RCBTB1: variants seen among roughly 807,000 people sequenced by gnomAD.
RCBTB1 encodes RCC1 and BTB domain containing protein 1.
RCBTB1 carries 46 observed loss-of-function variants against 62.4 expected under a neutral mutation model. That is an observed-to-expected ratio of 0.74 (90% CI 0.58 to 0.94). RCBTB1 has a LOEUF of 0.94. RCBTB1 is among the 40% of genes least tolerant of loss of function. The pLI is 0.00. For missense variants in RCBTB1, 565 were observed against 654.9 expected (o/e 0.86, Z 1.50); for synonymous variants, 222 against 245.8 (o/e 0.90, Z 0.91).
At chr13:49,568,074 C>G (rs1963146081) in intron 2 of RCBTB1, among the ~76,000 whole-genome samples, 1 of 152,224 alleles carries the variant, frequency 6.6e-6, no homozygotes, top group Admixed American at 6.5e-5. Flanking sequence ...TCCCAGTGAT[C>G]TGTAATTCCT....
rs992536835 is a variant in RCBTB1 at position 49,532,442 on chromosome 13, C to T, written c.*1680G>A. On this transcript the variant is annotated 3_prime_UTR_variant, in exon 13 of 13. Transcript: ENST00000378302. ...GTTCACATTTTGCTCAGATCATAAG[C>T]CTATAGAACAGTGATTGTTACAAAC... The T allele has an allele frequency of 1.3e-5, 2 of 152,508 alleles. No homozygotes were observed. The highest frequency in any genetic ancestry group is 6.6e-5 in the Admixed American group (1 of 15,258). The allele number at this position is 152,508 out of a possible 1,614,324, so 9.4% of individuals were successfully genotyped here. A position where few individuals can be genotyped will look rare whatever the true frequency, so the allele number is the denominator to read the frequency against.
rs77783948 is a variant in RCBTB1 at position 49,570,567 on chromosome 13, T to C, written c.-41-3247A>G. On this transcript the variant is annotated intron_variant, in intron 2 of 12. Coordinates refer to ENST00000378302, the MANE Select transcript of RCBTB1 (RefSeq NM_018191.4). The stretch of plus-strand genomic sequence containing the variant: ...GCTGTTTGCTGTTTTGAGCCTGGGT[T>C]TCCCCCAAACCTAGAAATTTGTCAT... 6.0e-4 allele frequency among the ~76,000 whole-genome samples: 92 copies of C among 152,350 alleles called. 2 individuals carry two copies. In the East Asian group the frequency reaches 0.014, roughly 23 times the overall value.
In RCBTB1 at chr13:49,541,693, G is replaced by A. The variant is rs1475157834; in HGVS notation, c.1307C>T (p.Pro436Leu). 10 of 1,611,876 alleles carry A rather than the reference G, an allele frequency of 6.2e-6. No homozygotes were observed. Among genetic ancestry groups the A allele is most frequent in the East Asian group, 4.5e-5 (2 of 44,848 alleles). ...QYLYTDTVDL[P>L]PEDAIGLLDL... ...CACAGTACCTATAGCATCTTCTGGC[G>A]GCAGGTCGACTGTGTCTGTGTAGAG... The change falls in exon 11 of 13, where the codon CCG becomes CTG. Residue 436 changes from proline to leucine, a missense_variant. By Grantham distance (98) the Pro-to-Leu change is moderately conservative. Coordinates refer to ENST00000378302, the MANE Select transcript of RCBTB1 (RefSeq NM_018191.4).
rs1274774382 is a variant in RCBTB1, at chr13:49,534,110, C to CA, written c.*11dup. ...CCCAGAGCACTCACACAGAACCCAGCAGCCTTGCGCTTCAGTTCTTAAAGG... is the reference window on the plus strand; with the variant it reads ...CCCAGAGCACTCACACAGAACCCAGCAAGCCTTGCGCTTCAGTTCTTAAAGG... On this transcript the variant is annotated 3_prime_UTR_variant, in exon 13 of 13. Transcript: ENST00000378302. The CA allele has an allele frequency of 1.2e-6, 2 of 1,612,342 alleles. No individual in the cohort carries two copies. Among genetic ancestry groups the CA allele is most frequent in the African/African-American group, 1.3e-5 (1 of 74,838 alleles).
chr13:49,541,740 C>T lies in RCBTB1; in HGVS notation c.1260G>A (p.Val420=), dbSNP rs755546895. ...VIEIDQFSYP[V]YRAFLQYLYT... Reference sequence around the variant, plus strand: ...AGAGGTACTGGAGAAAGGCACGATACACTGGGTAAGAAAACTGATCGATTT... The same window carrying T: ...AGAGGTACTGGAGAAAGGCACGATATACTGGGTAAGAAAACTGATCGATTT... The change falls in exon 11 of 13, where the codon GTG becomes GTA. Residue 420 remains valine, a synonymous_variant. Coordinates refer to ENST00000378302, the MANE Select transcript of RCBTB1 (RefSeq NM_018191.4). The T allele has an allele frequency of 5.6e-6, 9 of 1,614,088 alleles. No individual in the cohort carries two copies. The highest frequency in any genetic ancestry group is 7.6e-6 in the Non-Finnish European group (9 of 1,180,002).
rs1962305137 is a variant in RCBTB1, at chr13:49,560,017, G to A, written c.345C>T (p.Gly115=). 3 of 1,614,176 alleles carry A rather than the reference G, an allele frequency of 1.9e-6. No homozygotes were observed. The highest frequency in any genetic ancestry group is 2.2e-5 in the South Asian group (2 of 91,082). ...TGGTACAGACCTGGACGGGAGCAAT[G>A]CCTTGGTTGGTCGTCCCATTCCCAA... ...SQLGNGTTNQ[G]IAPVQVCTNL... is the part of the protein sequence containing the mutation. Residue 115 remains glycine, a synonymous_variant, in exon 5 of 13, where the codon GGC becomes GGT. Coordinates refer to ENST00000378302, the MANE Select transcript of RCBTB1 (RefSeq NM_018191.4).
chr13:49,545,913 CAG>C (rs1960750590), intron 9 of RCBTB1, among the ~76,000 whole-genome samples: 1 of 152,154 alleles, frequency 6.6e-6, no homozygotes, highest in African/African-American at 2.4e-5. Flanking sequence ...GCTTTATCAT[CAG>C]ACTCTCCCCC....
intron 4 of RCBTB1, among the ~76,000 whole-genome samples, chr13:49,560,843 C>T (rs1405697544): frequency 1.3e-5 from 2 of 152,140 alleles, no homozygotes; most frequent in Non-Finnish European, 1.5e-5. Flanking sequence ...CTTATTCTAA[C>T]AGATTCAACT....
At chr13:49,552,385 C>T (rs1961446533) in intron 6 of RCBTB1, 100 bp from the exon 7 acceptor site, 1 of 661,600 alleles carries the variant, frequency 1.5e-6, no homozygotes. Flanking sequence ...ATACTTCCAA[C>T]ACCTATATTC....
chr13:49,579,497 G>A (rs576179649), intron 2 of RCBTB1, among the ~76,000 whole-genome samples: 6 of 152,222 alleles, frequency 3.9e-5, no homozygotes, highest in Non-Finnish European at 5.9e-5. Context: ...GGTAGTGGGC[G>A]CCTGTAGTCC....
At chr13:49,578,136 C>G (rs1277560194) in intron 2 of RCBTB1, among the ~76,000 whole-genome samples, 3 of 152,182 alleles carry the variant, frequency 2.0e-5, no homozygotes, top group African/African-American at 4.8e-5. Flanking sequence ...CCTGCAGATA[C>G]TAAAATCCAC....
chr13:49,540,119 C>A (rs1960233393), intron 12 of RCBTB1, among the ~76,000 whole-genome samples: 1 of 152,216 alleles, frequency 6.6e-6, no homozygotes, highest in South Asian at 2.1e-4. Context: ...ACCAACCATA[C>A]CCGCCTTCAG....
chr13:49,551,472 C>A lies in RCBTB1; in HGVS notation c.712-4G>T. The A allele has an allele frequency of 6.2e-7, 1 of 1,613,654 alleles. No individual in the cohort carries two copies. Among genetic ancestry groups the A allele is most frequent in the Non-Finnish European group, 8.5e-7 (1 of 1,179,882 alleles). On this transcript the variant is annotated splice_region_variant and splice_polypyrimidine_tract_variant and intron_variant, in intron 7 of 12. Coordinates refer to ENST00000378302, the MANE Select transcript of RCBTB1 (RefSeq NM_018191.4). ...TATGTGCGTAACCGCAGACAATCTG[C>A]AAGTAAATTGAAACGGTTACCATTA...
chr13:49,547,450 C>A (rs1272469876), intron 9 of RCBTB1, among the ~76,000 whole-genome samples: 1 of 152,128 alleles, frequency 6.6e-6, no homozygotes, highest in Non-Finnish European at 1.5e-5. Context: ...GCATCATGAC[C>A]CACTTATTCC....
chr13:49,580,978 T>G (rs1181879226), intron 1 of RCBTB1, among the ~76,000 whole-genome samples: 1 of 152,072 alleles, frequency 6.6e-6, no homozygotes, highest in Non-Finnish European at 1.5e-5. Flanking sequence ...GAAGTATGCT[T>G]CAGCTACCTA....
chr13:49,544,473 G>GAAAC (rs58168524), intron 10 of RCBTB1, among the ~76,000 whole-genome samples: 51 of 151,240 alleles, frequency 3.4e-4, no homozygotes, highest in African/African-American at 9.2e-4. Flanking sequence ...CTGTCTCAAA[G>GAAAC]AAACAAACAA....
chr13:49,542,586 A>G (rs751433335), intron 10 of RCBTB1, among the ~76,000 whole-genome samples: 6 of 151,604 alleles, frequency 4.0e-5, no homozygotes, highest in Non-Finnish European at 7.4e-5. Context: ...TTTGTTTTAC[A>G]TAATAAGCAT....
At chr13:49,560,360 T>C (rs1419969463) in intron 4 of RCBTB1, among the ~76,000 whole-genome samples, 1 of 152,208 alleles carries the variant, frequency 6.6e-6, no homozygotes, top group Non-Finnish European at 1.5e-5. Flanking sequence ...AGAATTAGGC[T>C]TTCTAAAAGC....
chr13:49,537,381 A>G (rs1056101724), intron 12 of RCBTB1, among the ~76,000 whole-genome samples: 8 of 152,180 alleles, frequency 5.3e-5, no homozygotes, highest in Non-Finnish European at 1.0e-4. Context: ...TACGCAAAAA[A>G]CATTTGTCAG....
Sources: allele counts gnomAD v4.1 joint callset (sites outside exome capture counted in the v4.1 genomes callset), GRCh38; gene constraint gnomAD v4.1.1; transcripts MANE v1.5; gene names NCBI Gene and HGNC (gene_info 2026-07-23, HGNC 2026-07-21).